Variants in LIMCH1 observed in about 807,000 individuals in gnomAD.
The protein encoded by LIMCH1 is LIM and calponin homology domains 1.
A neutral mutation model predicts 176.5 loss-of-function variants in LIMCH1; 113 were observed. The ratio of observed to expected loss-of-function variants is 0.64; its 90% CI spans 0.55 to 0.75. The LOEUF is 0.75. LIMCH1 is among the 30% of genes least tolerant of loss of function. LIMCH1 has a pLI of 0.00. For missense variants in LIMCH1, 1,674 were observed against 1,814.9 expected, an observed-to-expected ratio of 0.92 and a Z score of 1.41; for synonymous variants, 619 against 645.9, an observed-to-expected ratio of 0.96 and a Z score of 0.63.
At chr4:41,573,189 C>T (rs1045745536) in intron 1 of LIMCH1, among the ~76,000 whole-genome samples, 6 of 152,146 alleles carry the variant, frequency 3.9e-5, no homozygotes. Flanking sequence ...GAAAAATAGT[C>T]CATGTCTAAT....
chr4:41,684,948 C>T (rs1327576329), intron 27 of LIMCH1, among the ~76,000 whole-genome samples: 2 of 152,128 alleles, frequency 1.3e-5, no homozygotes, highest in Non-Finnish European at 2.9e-5. Context: ...CTCATTCCCA[C>T]CTGTGTCTCC....
chr4:41,483,667 C>G (rs1171780118), intron 1 of LIMCH1, among the ~76,000 whole-genome samples: 4 of 152,196 alleles, frequency 2.6e-5, no homozygotes, highest in Non-Finnish European at 4.4e-5. Flanking sequence ...ACCCTGTGCT[C>G]AGGTCTTTGA....
intron 13 of LIMCH1, among the ~76,000 whole-genome samples, chr4:41,634,670 T>C (rs2093488447): frequency 6.6e-6 from 1 of 152,260 alleles, no homozygotes; most frequent in African/African-American, 2.4e-5. Context: ...GTAATATTTG[T>C]GCTTTACAAC....
chr4:41,490,274 T>G (rs970308390), intron 1 of LIMCH1, among the ~76,000 whole-genome samples: 2 of 150,634 alleles, frequency 1.3e-5, no homozygotes, highest in Admixed American at 1.3e-4. Flanking sequence ...TCTTTCTCCC[T>G]TTCTTTTTTT....
At chr4:41,609,572 A>G (rs2091175609) in intron 4 of LIMCH1, 2 of 447,276 alleles carry the variant, frequency 4.5e-6, no homozygotes, top group South Asian at 3.2e-5. Context: ...AAAGAGAAGC[A>G]TCTGGAGTTT....
chr4:41,629,857 G>C, intron 9 of LIMCH1, 123 bp downstream of exon 9: 1 of 1,144,950 alleles, frequency 8.7e-7, no homozygotes. Flanking sequence ...GCCCAGGCTG[G>C]AATATAGTGG....
intron 1 of LIMCH1, among the ~76,000 whole-genome samples, chr4:41,545,855 C>G (rs959110856): frequency 1.3e-5 from 2 of 152,152 alleles, no homozygotes; most frequent in African/African-American, 4.8e-5. Flanking sequence ...TCGTTTCATA[C>G]TTACTTGGCA....
intron 25 of LIMCH1, 42 bp downstream of exon 25, chr4:41,681,101 C>G: frequency 7.8e-7 from 1 of 1,279,752 alleles, no homozygotes; most frequent in Non-Finnish European, 1.1e-6. Flanking sequence ...ATAAATAAAC[C>G]TAAATGGAAG....
intron 26 of LIMCH1, among the ~76,000 whole-genome samples, chr4:41,682,881 TGGTC>T (rs1717395932): frequency 6.6e-6 from 1 of 152,144 alleles, no homozygotes; most frequent in Non-Finnish European, 1.5e-5. Context: ...TTCGTCATGT[TGGTC>T]AGGCTGGTCT....
At position 41,575,505 on chromosome 4, in the gene LIMCH1, CT is replaced by C. The variant is rs568342773; in HGVS notation, c.-240-23413del. 4.0e-3 allele frequency among the ~76,000 whole-genome samples: 613 copies of C among 152,242 alleles called. 8 individuals carry two copies. The highest frequency in any genetic ancestry group is 0.014 in the African/African-American group (591 of 41,524). On this transcript the variant is annotated intron_variant, in intron 1 of 31. Coordinates refer to ENST00000503057, the MANE Select transcript of LIMCH1 (RefSeq NM_001330672.2). Reference sequence around the variant, plus strand: ...TTCTTTAGAAAGTGCTCATAGAAATCTTCTGTCATGTTTGAGAACACTCTGT... The same window carrying C: ...TTCTTTAGAAAGTGCTCATAGAAATCTCTGTCATGTTTGAGAACACTCTGT...
intron 2 of LIMCH1, among the ~76,000 whole-genome samples, chr4:41,499,588 G>A (rs2072858844): frequency 6.6e-6 from 1 of 152,208 alleles, no homozygotes; most frequent in Admixed American, 6.5e-5. Context: ...GGAAGGGCAA[G>A]GTGGGGGGAT....
chr4:41,426,017 CTTTTT>C (rs913325890), intron 1 of LIMCH1, among the ~76,000 whole-genome samples: 28 of 102,864 alleles, frequency 2.7e-4, no homozygotes, highest in African/African-American at 8.7e-4. Context: ...TGAAAAGATT[CTTTTT>C]TTTTTTTTTT....
chr4:41,559,911 T>C (rs2081834822), intron 1 of LIMCH1, among the ~76,000 whole-genome samples: 1 of 152,156 alleles, frequency 6.6e-6, no homozygotes, highest in Non-Finnish European at 1.5e-5. Context: ...TAAACCACTG[T>C]CTACATGCTA....
At chr4:41,679,598 G>A (rs986668286) in intron 23 of LIMCH1, among the ~76,000 whole-genome samples, 3 of 152,056 alleles carry the variant, frequency 2.0e-5, no homozygotes, top group African/African-American at 4.8e-5. Flanking sequence ...TAAACCTTCA[G>A]GGTTTTTCAT....
At chr4:41,620,123 G>C (rs1338257325) in intron 6 of LIMCH1, 1 of 333,428 alleles carries the variant, frequency 3.0e-6, no homozygotes, top group East Asian at 6.7e-5. Flanking sequence ...ATTTTCCATT[G>C]AATAAAGATG....
chr4:41,537,986 T>C (rs1364125033), upstream of LIMCH1, among the ~76,000 whole-genome samples: 1 of 152,188 alleles, frequency 6.6e-6, no homozygotes, highest in African/African-American at 2.4e-5. Context: ...CTGACAGTAC[T>C]GCAAACCTAC....
chr4:41,435,756 G>C (rs915451236), intron 1 of LIMCH1, among the ~76,000 whole-genome samples: 2 of 152,188 alleles, frequency 1.3e-5, no homozygotes, highest in African/African-American at 4.8e-5. Flanking sequence ...AATCTAAGCT[G>C]CAGAGACACT....
intron 22 of LIMCH1, among the ~76,000 whole-genome samples, chr4:41,673,555 A>G (rs2095121342): frequency 6.6e-6 from 1 of 152,218 alleles, no homozygotes; most frequent in Admixed American, 6.5e-5. Flanking sequence ...AGAGGAGATA[A>G]GCATTAGATT....
At chr4:41,657,332 C>T (rs115839427) in intron 18 of LIMCH1, among the ~76,000 whole-genome samples, 5 of 152,288 alleles carry the variant, frequency 3.3e-5, no homozygotes, top group Admixed American at 6.5e-5. Flanking sequence ...TGAAGCAAAC[C>T]GCTGAGTGTA....
Sources: allele counts gnomAD v4.1 joint callset (sites outside exome capture counted in the v4.1 genomes callset), GRCh38; gene constraint gnomAD v4.1.1; transcripts MANE v1.5; gene names NCBI Gene and HGNC (gene_info 2026-07-23, HGNC 2026-07-21).